CDKAL1: variants seen among roughly 807,000 people sequenced by gnomAD.
CDKAL1 encodes the protein CDKAL1 threonylcarbamoyladenosine tRNA methylthiotransferase.
Under a neutral mutation model 68.2 loss-of-function variants are expected in CDKAL1, and 32 were observed. That is an observed-to-expected ratio of 0.47 (90% confidence interval 0.35 to 0.63). CDKAL1 has a LOEUF of 0.63. Among genes scored for constraint, CDKAL1 ranks in the 30% least tolerant of loss-of-function variants. The pLI, the probability that CDKAL1 is intolerant of heterozygous loss-of-function variation, is 0.00. For missense variants in CDKAL1, 606 were observed against 696.7 expected (o/e 0.87, Z 1.47); for synonymous variants, 234 against 244.3 (o/e 0.96, Z 0.39).
intron 15 of CDKAL1, among the ~76,000 whole-genome samples, chr6:21,206,046 T>C (rs1778921268): frequency 6.6e-6 from 1 of 151,298 alleles, no homozygotes; most frequent in Non-Finnish European, 1.5e-5. Context: ...GGTTTCACCA[T>C]GGTCTCTATC....
chr6:21,102,952 G>A (rs932228334), intron 12 of CDKAL1, among the ~76,000 whole-genome samples: 32 of 152,164 alleles, frequency 2.1e-4, no homozygotes, highest in Non-Finnish European at 3.1e-4. Flanking sequence ...ATGCAAACCC[G>A]CTCTTTTGGC....
At chr6:20,616,269 T>A (rs1377195317) in intron 4 of CDKAL1, among the ~76,000 whole-genome samples, 3 of 151,914 alleles carry the variant, frequency 2.0e-5, no homozygotes, top group Admixed American at 2.0e-4. Flanking sequence ...TGCGGGCTCT[T>A]TTTTGGTTCC....
At position 21,093,694 on chromosome 6, in the gene CDKAL1, CTTTTTTTTTTTTTTTTTTTTTTT is replaced by C. The variant is rs547923386; in HGVS notation, c.1237-14689_1237-14667del. On this transcript the variant is annotated intron_variant, in intron 12 of 15. Coordinates refer to ENST00000274695, the MANE Select transcript of CDKAL1 (RefSeq NM_017774.3). ...ATAACCAACTGAGCTGCTGCTGCTG[CTTTTTTTTTTTTTTTTTTTTTTT>C]TTTTTTTTTTTTTTTTTGGAGACAG... 2.9e-3 allele frequency among the ~76,000 whole-genome samples: 253 copies of C among 88,098 alleles called. 5 individuals are homozygous for C. Among genetic ancestry groups the C allele is most frequent in the African/African-American group, 0.011 (235 of 21,940 alleles). 57.8% of individuals were successfully genotyped at this position (88,098 alleles called of 152,430 possible).
intron 5 of CDKAL1, among the ~76,000 whole-genome samples, chr6:20,666,191 G>A (rs1581923643): frequency 6.6e-6 from 1 of 151,826 alleles, no homozygotes; most frequent in Admixed American, 6.6e-5. Context: ...AAGAGGATGT[G>A]CAAATAAAAA....
chr6:20,916,495 G>A (rs987213741), intron 9 of CDKAL1, among the ~76,000 whole-genome samples: 7 of 152,148 alleles, frequency 4.6e-5, no homozygotes, highest in South Asian at 4.2e-4. Flanking sequence ...GCACTGAAGC[G>A]GGACTGAACA....
chr6:21,044,003 G>A (rs541265792), intron 11 of CDKAL1, among the ~76,000 whole-genome samples: 91 of 152,328 alleles, frequency 6.0e-4, no homozygotes, highest in African/African-American at 2.1e-3. Context: ...ATAGATTGAA[G>A]TGGAATATAA....
At chr6:20,913,097 C>G (rs1052411559) in intron 9 of CDKAL1, among the ~76,000 whole-genome samples, 28 of 138,636 alleles carry the variant, frequency 2.0e-4, no homozygotes, top group African/African-American at 7.0e-4. Flanking sequence ...AGAAATAGAA[C>G]CATTGAACCA....
chr6:20,802,354 G>C (rs1243015671), intron 8 of CDKAL1, among the ~76,000 whole-genome samples: 1 of 135,818 alleles, frequency 7.4e-6, no homozygotes, highest in East Asian at 2.1e-4. Context: ...ATGTGAATGA[G>C]TTATTTTTCT....
intron 6 of CDKAL1, among the ~76,000 whole-genome samples, chr6:20,755,085 A>G (rs1774110862): frequency 6.6e-6 from 1 of 152,086 alleles, no homozygotes; most frequent in Admixed American, 6.5e-5. Context: ...ATTTTTCTTT[A>G]TGGTTTCATC....
chr6:21,010,249 T>C (rs557620541), intron 11 of CDKAL1, among the ~76,000 whole-genome samples: 23 of 152,344 alleles, frequency 1.5e-4, no homozygotes, highest in African/African-American at 5.3e-4. Flanking sequence ...ATTATAAAAC[T>C]GCAGAGTTTC....
Position 20,703,463 on chromosome 6 carries a change from C to A in CDKAL1, c.372-36056C>A, listed in dbSNP as rs913969417. Among the ~76,000 whole-genome samples the A allele has an allele frequency of 1.1e-4, 16 of 151,886 alleles. 1 individual carries two copies. Among genetic ancestry groups the A allele is most frequent in the African/African-American group, 2.2e-4 (9 of 41,430 alleles). Reference sequence around the variant, plus strand: ...CCAAAAAACAAAAAGGAAAAAAAAACCCAACTCTTTTATGTGCTCTAATGT... The same window carrying A: ...CCAAAAAACAAAAAGGAAAAAAAAAACCAACTCTTTTATGTGCTCTAATGT... On this transcript the variant is annotated intron_variant, in intron 5 of 15. Coordinates refer to ENST00000274695, the MANE Select transcript of CDKAL1 (RefSeq NM_017774.3).
intron 9 of CDKAL1, among the ~76,000 whole-genome samples, chr6:20,868,166 CTG>C (rs1314024936): frequency 1.3e-5 from 2 of 152,150 alleles, no homozygotes; most frequent in East Asian, 3.8e-4. Context: ...AATATCAACA[CTG>C]TTGATATTTT....
At chr6:20,574,504 G>C (rs1764836032) in intron 4 of CDKAL1, among the ~76,000 whole-genome samples, 1 of 152,152 alleles carries the variant, frequency 6.6e-6, no homozygotes. Flanking sequence ...TTAGAGGACT[G>C]TTTACTGAGG....
At chr6:21,200,923 C>G in intron 14 of CDKAL1, 187 bp from the exon 15 acceptor site, 1 of 464,578 alleles carries the variant, frequency 2.2e-6, no homozygotes, top group Non-Finnish European at 3.8e-6. Flanking sequence ...ATTAATATAT[C>G]AATTTGGGTT....
chr6:20,630,839 C>T (rs959893107), intron 4 of CDKAL1, among the ~76,000 whole-genome samples: 1 of 152,142 alleles, frequency 6.6e-6, no homozygotes, highest in East Asian at 1.9e-4. Context: ...TTTCTGTTTC[C>T]GCATCCATAA....
chr6:20,905,661 A>G (rs1004010836), intron 9 of CDKAL1, among the ~76,000 whole-genome samples: 1 of 152,218 alleles, frequency 6.6e-6, no homozygotes, highest in Non-Finnish European at 1.5e-5. Flanking sequence ...TGTCGAAACA[A>G]AAAAGGAGTA....
At chr6:21,193,304 A>AAG (rs137984788) in intron 13 of CDKAL1, among the ~76,000 whole-genome samples, 1,968 of 150,582 alleles carry the variant, frequency 0.013, 22 homozygotes, top group Non-Finnish European at 0.02. Context: ...ACTGTTTAAA[A>AAG]AGAGAGAGAG....
chr6:20,769,834 T>G (rs1774862883), intron 7 of CDKAL1, among the ~76,000 whole-genome samples: 1 of 152,220 alleles, frequency 6.6e-6, no homozygotes, highest in South Asian at 2.1e-4. Flanking sequence ...CTGGCATTAC[T>G]GATTATGCAG....
chr6:20,795,083 A>G (rs1352817651), intron 8 of CDKAL1, among the ~76,000 whole-genome samples: 1 of 151,916 alleles, frequency 6.6e-6, no homozygotes, highest in Non-Finnish European at 1.5e-5. Context: ...ACTTCATATC[A>G]CCTTGTTTTC....
Sources: gnomAD v4.1 joint callset for allele counts (sites outside exome capture counted in the v4.1 genomes callset) on GRCh38, gnomAD v4.1.1 for gene constraint, MANE v1.5 for transcripts, NCBI Gene and HGNC (gene_info 2026-07-23, HGNC 2026-07-21) for gene names.